The following ATG7 variants were observed in gnomAD, a reference collection of about 807,000 sequenced individuals.
The protein encoded by ATG7 is ubiquitin-like modifier-activating enzyme ATG7.
ATG7 carries 70 observed loss-of-function variants against 82.4 expected under a neutral mutation model. The ratio of observed to expected loss-of-function variants is 0.85; its 90% CI spans 0.70 to 1.04. The LOEUF (loss-of-function observed/expected upper bound fraction) is 1.04, where lower values mean the gene tolerates loss of function less well. ATG7 is among the 50% of genes least tolerant of loss of function. ATG7 has a pLI of 0.00. For synonymous variants in ATG7, 287 were observed against 313.0 expected, an observed-to-expected ratio of 0.92 and a Z score of 0.88; for missense variants, 792 against 864.3, an observed-to-expected ratio of 0.92 and a Z score of 1.05.
chr3:11,543,174 C>T (rs979718983), intron 20 of ATG7, among the ~76,000 whole-genome samples: 4 of 152,224 alleles, frequency 2.6e-5, no homozygotes, highest in Admixed American at 6.5e-5. Flanking sequence ...CCTGGCTGCC[C>T]GATGTTCCTT....
At chr3:11,397,951 G>T (rs535199884) in intron 19 of ATG7, among the ~76,000 whole-genome samples, 1 of 151,544 alleles carries the variant, frequency 6.6e-6, no homozygotes, top group African/African-American at 2.4e-5. Flanking sequence ...GAGCATGGTG[G>T]CACATGCCTG....
intron 9 of ATG7, among the ~76,000 whole-genome samples, chr3:11,328,356 T>G (rs550948098): frequency 1.3e-4 from 20 of 152,220 alleles, no homozygotes; most frequent in Admixed American, 3.3e-4. Flanking sequence ...GCTCTGTTTT[T>G]AAAAGTGCCC....
intron 20 of ATG7, among the ~76,000 whole-genome samples, chr3:11,454,975 A>G (rs2085558446): frequency 6.6e-6 from 1 of 152,234 alleles, no homozygotes; most frequent in Non-Finnish European, 1.5e-5. Flanking sequence ...TCAAAACTAG[A>G]TAGCATAACA....
intron 5 of ATG7, among the ~76,000 whole-genome samples, chr3:11,305,510 G>A (rs1484423615): frequency 6.6e-6 from 1 of 152,198 alleles, no homozygotes; most frequent in Non-Finnish European, 1.5e-5. Context: ...ATAAAGCCAA[G>A]TCTGAATGTA....
chr3:11,490,223 A>G (rs2090200279), intron 20 of ATG7, among the ~76,000 whole-genome samples: 1 of 152,204 alleles, frequency 6.6e-6, no homozygotes, highest in Admixed American at 6.5e-5. Flanking sequence ...TCCCTTTACA[A>G]TTATGTAATG....
At chr3:11,392,785 T>C (rs2152875372) in intron 19 of ATG7, among the ~76,000 whole-genome samples, 1 of 152,336 alleles carries the variant, frequency 6.6e-6, no homozygotes, top group East Asian at 1.9e-4. Context: ...ACTGATTTTG[T>C]GGCTCCTAAT....
At chr3:11,361,646 T>C (rs1261657750) in intron 16 of ATG7, among the ~76,000 whole-genome samples, 1 of 152,182 alleles carries the variant, frequency 6.6e-6, no homozygotes, top group African/African-American at 2.4e-5. Context: ...TACTAAAAAT[T>C]TATTTATCTG....
chr3:11,554,634 G>A (rs1025591792), intron 20 of ATG7, among the ~76,000 whole-genome samples, 177 bp from the exon 21 acceptor site: 6 of 152,170 alleles, frequency 3.9e-5, no homozygotes, highest in Non-Finnish European at 7.4e-5. Context: ...CACTAGTGAC[G>A]CCTTGGCAAG....
chr3:11,469,745 G>A (rs1049850794), intron 20 of ATG7, among the ~76,000 whole-genome samples: 1 of 151,966 alleles, frequency 6.6e-6, no homozygotes, highest in Non-Finnish European at 1.5e-5. Flanking sequence ...TAGCACTTTG[G>A]GAGGCTGAGG....
chr3:11,378,361 G>A (rs1466480102), intron 18 of ATG7, among the ~76,000 whole-genome samples: 1 of 150,950 alleles, frequency 6.6e-6, no homozygotes, highest in Non-Finnish European at 1.5e-5. Context: ...GTTTTTTAAT[G>A]CAATCCGAGA....
Position 11,370,427 on chromosome 3 carries a change from T to C in ATG7, c.1875+5693T>C, listed in dbSNP as rs1011473481. On this transcript the variant is annotated intron_variant, in intron 18 of 20. Transcript: ENST00000693202. ...TCTGGTGTGCTTAGGGTTTTGCAAT[T>C]GCTACACTCTCCATTTTGGCATTGA... Among the ~76,000 whole-genome samples, 12 of 151,370 alleles carry C rather than the reference T, an allele frequency of 7.9e-5. No homozygotes were observed. In the East Asian group the frequency reaches 2.3e-3, roughly 29 times the overall value.
chr3:11,515,687 C>T (rs2092256724), intron 20 of ATG7, among the ~76,000 whole-genome samples: 1 of 151,040 alleles, frequency 6.6e-6, no homozygotes, highest in Non-Finnish European at 1.5e-5. Context: ...TAGAACTGTT[C>T]TCTCTTTCTC....
At chr3:11,552,511 G>A (rs1242303340) in intron 20 of ATG7, among the ~76,000 whole-genome samples, 1 of 152,026 alleles carries the variant, frequency 6.6e-6, no homozygotes, top group African/African-American at 2.4e-5. Context: ...TCCAGTCCCT[G>A]TCCCTATCCC....
chr3:11,297,512 G>GACATGTCCTTCTCAAA (rs1946133159), intron 3 of ATG7, among the ~76,000 whole-genome samples: 1 of 152,124 alleles, frequency 6.6e-6, no homozygotes, highest in Non-Finnish European at 1.5e-5. Flanking sequence ...TCTCAAACTG[G>GACATGTCCTTCTCAAA]GGTATGTTAC....
chr3:11,403,208 G>A (rs915291684), intron 19 of ATG7, among the ~76,000 whole-genome samples: 3 of 152,220 alleles, frequency 2.0e-5, no homozygotes, highest in Non-Finnish European at 4.4e-5. Context: ...CGTAGTAAAT[G>A]TAAACTGACG....
intron 17 of ATG7, among the ~76,000 whole-genome samples, chr3:11,363,799 A>G (rs1350976816): frequency 2.0e-5 from 3 of 152,248 alleles, no homozygotes; most frequent in Non-Finnish European, 4.4e-5. Context: ...CAGAAAGTCA[A>G]TATGCAAATT....
rs923105024 is a variant in ATG7 at position 11,296,629 on chromosome 3, C to T, written c.-10-2057C>T. ...GTTAGCCTCACATTTGAGGCTTCTC[C>T]ATAGGTGTTCACCCATGTCACCTGC... On this transcript the variant is annotated intron_variant, in intron 3 of 20. Transcript: ENST00000693202. Among the ~76,000 whole-genome samples the T allele has an allele frequency of 2.6e-5, 4 of 152,344 alleles. No homozygotes were observed. The East Asian group carries it at 7.7e-4, about 29-fold the overall frequency.
intron 20 of ATG7, among the ~76,000 whole-genome samples, chr3:11,502,415 C>T (rs1159780427): frequency 7.4e-6 from 1 of 134,532 alleles, no homozygotes; most frequent in Non-Finnish European, 1.6e-5. Context: ...TGATGTTCCC[C>T]TTCCTGTGTC....
chr3:11,318,219 T>G (rs1949715931), intron 9 of ATG7, among the ~76,000 whole-genome samples: 1 of 152,102 alleles, frequency 6.6e-6, no homozygotes, highest in Non-Finnish European at 1.5e-5. Context: ...TTCACTTGGT[T>G]AGGGTGGTAT....
Sources: allele counts gnomAD v4.1 joint callset (sites outside exome capture counted in the v4.1 genomes callset), GRCh38; gene constraint gnomAD v4.1.1; transcripts MANE v1.5; gene names NCBI Gene and HGNC (gene_info 2026-07-23, HGNC 2026-07-21).